Variants in MROH9 observed in about 807,000 individuals in gnomAD.
MROH9 encodes maestro heat-like repeat-containing protein family member 9.
Under a neutral mutation model 98.2 loss-of-function variants are expected in MROH9, and 92 were observed. The observed-to-expected ratio is 0.94, with a 90% CI of 0.79 to 1.11. MROH9 has a LOEUF of 1.11. Among genes scored for constraint, MROH9 ranks in the 50% most tolerant of loss-of-function variants. MROH9 has a pLI of 0.00. For missense variants in MROH9, 1,057 were observed against 1,014.8 expected, an observed-to-expected ratio of 1.04 and a Z score of -0.57; for synonymous variants, 397 against 368.9, an observed-to-expected ratio of 1.08 and a Z score of -0.87.
intron 20 of MROH9, among the ~76,000 whole-genome samples, chr1:171,051,504 C>T (rs1653662355): frequency 6.6e-6 from 1 of 152,144 alleles, no homozygotes; most frequent in Non-Finnish European, 1.5e-5. Flanking sequence ...AACAAAACAT[C>T]ACATATTCTC....
chr1:170,936,627 C>T (rs989856274), intron 1 of MROH9, among the ~76,000 whole-genome samples: 1 of 152,104 alleles, frequency 6.6e-6, no homozygotes, highest in South Asian at 2.1e-4. Context: ...TGAGTTCCCA[C>T]GTTGAAAATT....
intron 8 of MROH9, among the ~76,000 whole-genome samples, chr1:170,982,260 C>CA (rs79868594): frequency 0.32 from 49,084 of 151,836 alleles, 8,019 homozygotes; most frequent in Middle Eastern, 0.46. Flanking sequence ...TACTATTATT[C>CA]CAGTAAAAAA....
At chr1:171,049,627 A>G (rs2101866876) in intron 20 of MROH9, among the ~76,000 whole-genome samples, 1 of 152,250 alleles carries the variant, frequency 6.6e-6, no homozygotes, top group Non-Finnish European at 1.5e-5. Flanking sequence ...TTCTTTTGAA[A>G]AAATGTCTGT....
chr1:170,945,616 G>T (rs759633503), intron 2 of MROH9, 35 bp downstream of exon 2: 4 of 1,591,458 alleles, frequency 2.5e-6, no homozygotes, highest in South Asian at 2.2e-5. Context: ...ATGGGAGAAG[G>T]TATTTTTGTG....
intron 8 of MROH9, among the ~76,000 whole-genome samples, chr1:170,982,625 C>T (rs934815426): frequency 1.3e-5 from 2 of 152,172 alleles, no homozygotes; most frequent in Non-Finnish European, 2.9e-5. Context: ...CATGGTGGCT[C>T]ACACCTGTAA....
At chr1:171,062,581 A>G (rs1367664965) in intron 21 of MROH9, among the ~76,000 whole-genome samples, 1 of 152,250 alleles carries the variant, frequency 6.6e-6, no homozygotes, top group East Asian at 1.9e-4. Context: ...AGAGTTGCAA[A>G]TAAAGCAGTC....
intron 20 of MROH9, among the ~76,000 whole-genome samples, chr1:171,058,685 A>T (rs1169746488): frequency 2.0e-5 from 3 of 152,182 alleles, no homozygotes; most frequent in African/African-American, 7.2e-5. Context: ...CTCAGAAATA[A>T]CACTACACAT....
chr1:170,945,526 T>A lies in MROH9; in HGVS notation c.-31T>A. 1 of 1,611,450 alleles carries A rather than the reference T, an allele frequency of 6.2e-7. No individual in the cohort carries two copies. Among genetic ancestry groups the A allele is most frequent in the Non-Finnish European group, 8.5e-7 (1 of 1,178,266 alleles). Reference sequence around the variant, plus strand: ...TACGTGATATTTTTTGCAGCATTACTAGTAGAAGACTTTAATACACCTCTG... The same window carrying A: ...TACGTGATATTTTTTGCAGCATTACAAGTAGAAGACTTTAATACACCTCTG... On this transcript the variant is annotated 5_prime_UTR_variant, in exon 2 of 22. Coordinates refer to ENST00000367759, the MANE Select transcript of MROH9 (RefSeq NM_001163629.2).
At chr1:171,057,999 G>A (rs1014710519) in intron 20 of MROH9, among the ~76,000 whole-genome samples, 1 of 152,060 alleles carries the variant, frequency 6.6e-6, no homozygotes, top group African/African-American at 2.4e-5. Context: ...ATTCTTTCAG[G>A]CAAGAGAAAC....
intron 16 of MROH9, among the ~76,000 whole-genome samples, chr1:171,015,528 T>C (rs1180419098): frequency 6.6e-6 from 1 of 152,192 alleles, no homozygotes; most frequent in African/African-American, 2.4e-5. Flanking sequence ...TTTAGTCTTT[T>C]TCTCCTTGCC....
At chr1:171,055,618 T>TAAAAAA (rs1204544479) in intron 20 of MROH9, among the ~76,000 whole-genome samples, 6 of 78,208 alleles carry the variant, frequency 7.7e-5, no homozygotes, top group Admixed American at 1.4e-4. Context: ...TGAGACTTCA[T>TAAAAAA]AAAAAAAAAA....
intron 20 of MROH9, among the ~76,000 whole-genome samples, chr1:171,036,628 T>A (rs556756142): frequency 6.6e-6 from 1 of 151,792 alleles, no homozygotes; most frequent in African/African-American, 2.4e-5. Flanking sequence ...TCAGATAAAT[T>A]AGAAATAATC....
chr1:170,959,474 C>A lies in MROH9; in HGVS notation c.165C>A (p.Pro55=). ...TTTTTCTTGTCAGCTTTGTGGATCC[C>A]TTACTGCAGTTTGAATCTCAGTTGA... ...ILAVNSSFVD[P]LLQFESQLKI... Residue 55 remains proline, a synonymous_variant, in exon 5 of 22, where the codon CCC becomes CCA. Transcript: ENST00000367759. 6.2e-7 allele frequency: 1 copy of A among 1,608,686 alleles called. No individual in the cohort carries two copies. Among genetic ancestry groups the A allele is most frequent in the Non-Finnish European group, 8.5e-7 (1 of 1,177,752 alleles).
intron 20 of MROH9, among the ~76,000 whole-genome samples, chr1:171,029,171 C>A (rs1352169336): frequency 6.6e-6 from 1 of 151,802 alleles, no homozygotes; most frequent in Non-Finnish European, 1.5e-5. Context: ...TCTTAAATAG[C>A]TTTATTATTG....
At chr1:171,054,951 C>T (rs1653784168) in intron 20 of MROH9, among the ~76,000 whole-genome samples, 1 of 151,458 alleles carries the variant, frequency 6.6e-6, no homozygotes, top group African/African-American at 2.4e-5. Flanking sequence ...GTGGAGAGTC[C>T]TTAAACAACT....
chr1:170,983,457 C>G lies in MROH9; in HGVS notation c.652C>G (p.His218Asp), dbSNP rs779204268. 11 of 1,613,014 alleles carry G rather than the reference C, an allele frequency of 6.8e-6. No homozygotes were observed. The highest frequency in any genetic ancestry group is 9.3e-6 in the Non-Finnish European group (11 of 1,179,452). The change falls in exon 9 of 22, where the codon CAT (histidine) becomes GAT (aspartate). Residue 218 changes from histidine (H) to aspartate (D), a missense_variant. By Grantham distance (81) the His-to-Asp change is moderately conservative. Transcript: ENST00000367759. ...AAATAAGCCTACAAACGGTAAAAGT[C>G]ATAGCCTCCAGTTTCCTTCTTCTGA... The part of the protein sequence containing the change: ...GTNKPTNGKS[H>D]SLQFPSSDVE...
chr1:171,021,653 G>A (rs1377146302), intron 17 of MROH9, among the ~76,000 whole-genome samples: 1 of 149,848 alleles, frequency 6.7e-6, no homozygotes, highest in Admixed American at 6.6e-5. Flanking sequence ...ACAAACCCTC[G>A]AAGAAAACCT....
intron 1 of MROH9, among the ~76,000 whole-genome samples, chr1:170,938,447 C>A (rs1648984852): frequency 6.6e-6 from 1 of 152,178 alleles, no homozygotes; most frequent in Non-Finnish European, 1.5e-5. Flanking sequence ...AACCTTGCCC[C>A]AGCCCTTCCA....
chr1:171,018,691 C>G (rs1652409597), intron 17 of MROH9, among the ~76,000 whole-genome samples: 1 of 152,148 alleles, frequency 6.6e-6, no homozygotes, highest in African/African-American at 2.4e-5. Flanking sequence ...ACTAGAATAA[C>G]CAGTTTACAG....
Sources: allele counts gnomAD v4.1 joint callset (sites outside exome capture counted in the v4.1 genomes callset), GRCh38; gene constraint gnomAD v4.1.1; transcripts MANE v1.5; gene names NCBI Gene and HGNC (gene_info 2026-07-23, HGNC 2026-07-21).